The following PIGN variants were observed in gnomAD, a reference collection of about 807,000 sequenced individuals.
The protein encoded by PIGN is phosphatidylinositol glycan anchor biosynthesis class N, also known as GPI ethanolamine phosphate transferase 1.
PIGN carries 117 observed loss-of-function variants against 125.4 expected under a neutral mutation model. The observed-to-expected ratio is 0.93, with a 90% confidence interval of 0.80 to 1.09. The LOEUF is 1.09. Ranked by LOEUF, PIGN falls within the 50% of genes least tolerant of loss-of-function variation. PIGN has a pLI of 0.00. For missense variants in PIGN, 1,075 were observed against 1,094.9 expected (o/e 0.98, Z 0.26); for synonymous variants, 392 against 377.8 (o/e 1.04, Z -0.44).
rs2030368248 is a variant in PIGN at position 62,041,509 on chromosome 18, G to A, written c.*4347C>T. The stretch of plus-strand genomic sequence containing the variant: ...ATTATATGGAGACATTTCTTTTTGA[G>A]GCAGAGTCTCACTTTGTCGCCCAGA... On this transcript the variant is annotated 3_prime_UTR_variant, in exon 31 of 31. Coordinates refer to ENST00000640252, the MANE Select transcript of PIGN (RefSeq NM_176787.5). 1 of 152,100 alleles carries A rather than the reference G, an allele frequency of 6.6e-6. No homozygotes were observed. The highest frequency in any genetic ancestry group is 6.6e-5 in the Admixed American group (1 of 15,262). The allele number at this position is 152,100 out of a possible 1,614,324, so 9.4% of individuals were successfully genotyped here.
At chr18:62,167,784 G>GATGATCA (rs2037206556) in intron 1 of PIGN, among the ~76,000 whole-genome samples, 1 of 151,668 alleles carries the variant, frequency 6.6e-6, no homozygotes, top group Admixed American at 6.6e-5. Context: ...ACATTTTCCT[G>GATGATCA]ATGATCAATG....
At chr18:62,184,763 A>T (rs560607578) in intron 1 of PIGN, 50 of 152,334 alleles carry the variant, frequency 3.3e-4, no homozygotes, top group Middle Eastern at 3.4e-3. Context: ...TTGCTTTTTC[A>T]GGCTTGCACT....
chr18:62,054,223 A>G (rs866525185), intron 30 of PIGN, among the ~76,000 whole-genome samples: 1 of 152,126 alleles, frequency 6.6e-6, no homozygotes, highest in East Asian at 1.9e-4. Flanking sequence ...AAATTAACTA[A>G]AATGGATCAT....
chr18:62,110,084 A>G, intron 16 of PIGN, 111 bp from the exon 17 acceptor site: 1 of 912,000 alleles, frequency 1.1e-6, no homozygotes, highest in Non-Finnish European at 1.7e-6. Flanking sequence ...CAATGGTTAT[A>G]CTACTAGATG....
chr18:62,140,466 G>T lies in PIGN; in HGVS notation c.977C>A (p.Pro326Gln). ...AACTCCAATAAGGGAAGTCATCAAT[G>T]GTGCAATATCAGCCTACAAATAAAA... ...RLDVNQADIA[P>Q]LMTSLIGVPF... is the part of the protein sequence containing the mutation. Residue 326 changes from proline to glutamine, a missense_variant, in exon 12 of 31, where the codon CCA (proline) becomes CAA (glutamine). Pro to Gln is a moderately conservative substitution (Grantham distance 76). Around this residue, in one of 3 missense-constraint regions of PIGN, gnomAD observed 915 missense variants for 908.7 expected, o/e 1.01. Transcript: ENST00000640252. The T allele has an allele frequency of 6.5e-7, 1 of 1,548,948 alleles. No individual in the cohort carries two copies. Among genetic ancestry groups the T allele is most frequent in the South Asian group, 1.2e-5 (1 of 84,864 alleles).
At chr18:62,143,454 T>A in intron 10 of PIGN, 108 bp from the exon 11 acceptor site, 1 of 679,450 alleles carries the variant, frequency 1.5e-6, no homozygotes, top group Non-Finnish European at 2.6e-6. Context: ...GTGTTAGAAA[T>A]GTCTATTTTA....
chr18:62,124,511 T>A (rs184745670), intron 14 of PIGN, among the ~76,000 whole-genome samples: 1 of 152,268 alleles, frequency 6.6e-6, no homozygotes, highest in East Asian at 1.9e-4. Flanking sequence ...ATCTCTAAAG[T>A]GGAGGAAAAC....
chr18:62,033,766 TATC>T (rs1386141033), intron 23 of PIGN, among the ~76,000 whole-genome samples: 1 of 152,222 alleles, frequency 6.6e-6, no homozygotes, highest in Non-Finnish European at 1.5e-5. Flanking sequence ...TCACCAGCTG[TATC>T]ATCTATACCC....
At chr18:62,065,000 T>C (rs1236023243) in intron 30 of PIGN, among the ~76,000 whole-genome samples, 1 of 152,048 alleles carries the variant, frequency 6.6e-6, no homozygotes, top group Non-Finnish European at 1.5e-5. Context: ...GCAGAAGGGA[T>C]AAAGGAAAGC....
intron 1 of PIGN, among the ~76,000 whole-genome samples, chr18:62,169,453 C>G (rs2037271055): frequency 7.1e-6 from 1 of 141,112 alleles, no homozygotes; most frequent in African/African-American, 2.5e-5. Context: ...GCTTTCATTT[C>G]TTCTTCTTAT....
intron 1 of PIGN, among the ~76,000 whole-genome samples, chr18:62,175,027 A>G (rs1211029445): frequency 6.8e-6 from 1 of 146,970 alleles, no homozygotes; most frequent in Non-Finnish European, 1.5e-5. Flanking sequence ...CATTATATAT[A>G]TTAGATATAT....
intron 4 of PIGN, among the ~76,000 whole-genome samples, chr18:62,160,750 C>G (rs2036921471): frequency 6.6e-6 from 1 of 152,092 alleles, no homozygotes; most frequent in South Asian, 2.1e-4. Flanking sequence ...CTCAGGTGAT[C>G]CCTGTGCCTC....
intron 28 of PIGN, among the ~76,000 whole-genome samples, chr18:62,077,820 T>C (rs1183256728): frequency 6.6e-6 from 1 of 152,200 alleles, no homozygotes; most frequent in Non-Finnish European, 1.5e-5. Flanking sequence ...TTGAGTGGCT[T>C]AAACAATATA....
At chr18:62,149,227 C>A (rs1267962311) in intron 7 of PIGN, among the ~76,000 whole-genome samples, 1 of 152,038 alleles carries the variant, frequency 6.6e-6, no homozygotes, top group Non-Finnish European at 1.5e-5. Context: ...TTAAAAAACA[C>A]AAATGGTGCA....
At chr18:62,092,126 A>G (rs565497153) in intron 23 of PIGN, among the ~76,000 whole-genome samples, 90 of 152,306 alleles carry the variant, frequency 5.9e-4, no homozygotes, top group African/African-American at 2.1e-3. Flanking sequence ...CACTTGATAT[A>G]TAAGACTTAG....
intron 2 of PIGN, among the ~76,000 whole-genome samples, chr18:62,163,328 G>C (rs2037020697): frequency 6.6e-6 from 1 of 152,074 alleles, no homozygotes; most frequent in East Asian, 1.9e-4. Flanking sequence ...TTTCCTGTTG[G>C]AGATAACCTT....
intron 17 of PIGN, among the ~76,000 whole-genome samples, chr18:62,109,452 A>G (rs1009235786): frequency 1.3e-5 from 2 of 152,212 alleles, no homozygotes; most frequent in Non-Finnish European, 2.9e-5. Flanking sequence ...AAAACATGCA[A>G]ATATCTTTGT....
chr18:62,186,246 T>C (rs755789946), intron 1 of PIGN: 1 of 152,184 alleles, frequency 6.6e-6, no homozygotes, highest in East Asian at 1.9e-4. Flanking sequence ...AGAAGGGGTT[T>C]CACCATGTTG....
Position 62,045,854 on chromosome 18 carries a change from C to G in PIGN, c.*2G>C, listed in dbSNP as rs751164021. The G allele has an allele frequency of 1.7e-5, 27 of 1,613,518 alleles. No homozygotes were observed. The highest frequency in any genetic ancestry group is 2.2e-5 in the Non-Finnish European group (26 of 1,179,650). ...CAGATGCTGAATGGTGCTTCAGCAA[C>G]CTCACATGAAGTGACTTTTGGGTTT... is the stretch of plus-strand genomic sequence containing the variant. On this transcript the variant is annotated 3_prime_UTR_variant, in exon 31 of 31. Transcript: ENST00000640252.
Sources: allele counts gnomAD v4.1 joint callset (sites outside exome capture counted in the v4.1 genomes callset), GRCh38; gene constraint gnomAD v4.1.1; regional missense constraint gnomAD v4.1.1; transcripts MANE v1.5; gene names NCBI Gene and HGNC (gene_info 2026-07-23, HGNC 2026-07-21).